The following MRPL48 variants were observed in gnomAD, a reference collection of about 807,000 sequenced individuals.
MRPL48 encodes large ribosomal subunit protein mL48.
Under a neutral mutation model 32.9 loss-of-function variants are expected in MRPL48, and 16 were observed. The observed-to-expected ratio is 0.49, with a 90% confidence interval of 0.33 to 0.74. The LOEUF is 0.74. Among genes scored for constraint, MRPL48 ranks in the 30% least tolerant of loss-of-function variants. The pLI is 0.02. For synonymous variants in MRPL48, 94 were observed against 89.2 expected, an observed-to-expected ratio of 1.05 and a Z score of -0.31; for missense variants, 206 against 245.3, an observed-to-expected ratio of 0.84 and a Z score of 1.07.
At chr11:73,810,528 GA>G (rs1947546535) in intron 3 of MRPL48, among the ~76,000 whole-genome samples, 2 of 148,644 alleles carry the variant, frequency 1.3e-5, no homozygotes, top group African/African-American at 2.5e-5. Context: ...ACTCAAAAAA[GA>G]AAAAAGAAAT....
chr11:73,838,001 G>A (rs1182780601), intron 4 of MRPL48, among the ~76,000 whole-genome samples: 4 of 152,016 alleles, frequency 2.6e-5, no homozygotes, highest in East Asian at 3.9e-4. Flanking sequence ...ACAGGCACCC[G>A]CCACCACGCC....
At chr11:73,795,440 C>G (rs1565399621) in intron 1 of MRPL48, among the ~76,000 whole-genome samples, 2 of 151,760 alleles carry the variant, frequency 1.3e-5, no homozygotes, top group Non-Finnish European at 2.9e-5. Flanking sequence ...CCAAGCAAGT[C>G]TGAGCAGTCA....
chr11:73,851,167 G>A, intron 5 of MRPL48: 1 of 437,934 alleles, frequency 2.3e-6, no homozygotes, highest in Admixed American at 2.6e-5. Flanking sequence ...CTGGAACTGG[G>A]CAAACTCCTC....
intron 3 of MRPL48, among the ~76,000 whole-genome samples, chr11:73,813,118 T>C (rs1397290707): frequency 6.6e-6 from 1 of 152,148 alleles, no homozygotes; most frequent in Non-Finnish European, 1.5e-5. Flanking sequence ...CTTGAATTTG[T>C]CATCTTTTCA....
intron 3 of MRPL48, among the ~76,000 whole-genome samples, chr11:73,821,125 A>G (rs1426294463): frequency 6.6e-6 from 1 of 152,056 alleles, no homozygotes; most frequent in Non-Finnish European, 1.5e-5. Context: ...CTGAGTAGCT[A>G]GGGCTATAGG....
At chr11:73,796,239 C>T (rs985296752) in intron 1 of MRPL48, among the ~76,000 whole-genome samples, 5 of 152,252 alleles carry the variant, frequency 3.3e-5, no homozygotes, top group African/African-American at 1.2e-4. Context: ...ACTGTGACTG[C>T]GGACCCAGGC....
rs1047889865 is a variant in MRPL48 at position 73,849,635 on chromosome 11, C to T, written c.371+4659C>T. 2.0e-4 allele frequency among the ~76,000 whole-genome samples: 31 copies of T among 152,210 alleles called. 2 individuals carry two copies. The highest frequency in any genetic ancestry group is 1.5e-5 in the Non-Finnish European group (1 of 68,040). On this transcript the variant is annotated intron_variant, in intron 5 of 7. Coordinates refer to ENST00000310614, the MANE Select transcript of MRPL48 (RefSeq NM_016055.6). ...AGCGTTTCATTGAAAGGATGTACCA[C>T]AGTTTATTCCTTTTCTGATTGAAGG...
At chr11:73,822,903 A>G (rs1185290130) in intron 3 of MRPL48, 1 of 402,130 alleles carries the variant, frequency 2.5e-6, no homozygotes, top group Non-Finnish European at 4.9e-6. Context: ...AGATTCTCAT[A>G]GGAGCATGAA....
intron 4 of MRPL48, among the ~76,000 whole-genome samples, chr11:73,832,905 C>A (rs115126037): frequency 6.6e-6 from 1 of 152,028 alleles, no homozygotes; most frequent in African/African-American, 2.4e-5. Context: ...CTCAGGTGAA[C>A]GGGACATGGT....
chr11:73,795,269 G>T (rs1947234690), intron 1 of MRPL48, among the ~76,000 whole-genome samples: 1 of 151,674 alleles, frequency 6.6e-6, no homozygotes, highest in Non-Finnish European at 1.5e-5. Flanking sequence ...CACCATGTTG[G>T]CTAGGCTGGT....
chr11:73,828,186 C>T (rs1947932185), intron 4 of MRPL48, among the ~76,000 whole-genome samples: 1 of 150,442 alleles, frequency 6.6e-6, no homozygotes, highest in South Asian at 2.1e-4. Context: ...GCTAGGAACT[C>T]TTGATGCCTT....
intron 4 of MRPL48, among the ~76,000 whole-genome samples, chr11:73,844,408 G>C (rs1353559601): frequency 1.3e-5 from 2 of 152,132 alleles, no homozygotes; most frequent in East Asian, 3.8e-4. Context: ...CTCCAGCCTG[G>C]GTGACAGGGT....
At chr11:73,852,210 T>C (rs1334194680) in intron 5 of MRPL48, among the ~76,000 whole-genome samples, 1 of 152,106 alleles carries the variant, frequency 6.6e-6, no homozygotes, top group Non-Finnish European at 1.5e-5. Context: ...GCACATTTCT[T>C]GTCTGTCATG....
At position 73,789,191 on chromosome 11, in the gene MRPL48, A is replaced by G. The variant is rs150650626; in HGVS notation, c.21+1199A>G. ...TAGAAAAAAAAATCAGAAAGTTTCA[A>G]AATTCCATTGTTAAAGATGGTCACA... On this transcript the variant is annotated intron_variant, in intron 1 of 7. Coordinates refer to ENST00000310614, the MANE Select transcript of MRPL48 (RefSeq NM_016055.6). 1.4e-3 allele frequency: 213 copies of G among 152,338 alleles called. 2 individuals are homozygous for G. The highest frequency in any genetic ancestry group is 5.0e-3 in the African/African-American group (209 of 41,580). 9.4% of individuals were successfully genotyped at this position (152,338 alleles called of 1,614,324 possible).
chr11:73,824,456 G>A (rs892216198), intron 3 of MRPL48, among the ~76,000 whole-genome samples: 3 of 151,974 alleles, frequency 2.0e-5, no homozygotes, highest in South Asian at 2.1e-4. Flanking sequence ...GTGGTGGCGC[G>A]TGCCTGTAAT....
intron 2 of MRPL48, among the ~76,000 whole-genome samples, chr11:73,806,134 A>G (rs1404952220): frequency 6.6e-6 from 1 of 151,936 alleles, no homozygotes; most frequent in Non-Finnish European, 1.5e-5. Flanking sequence ...GAGACCTAAC[A>G]TTATGAACAT....
chr11:73,798,994 CAA>C (rs113432463), intron 1 of MRPL48, among the ~76,000 whole-genome samples: 38 of 128,342 alleles, frequency 3.0e-4, no homozygotes, highest in Non-Finnish European at 3.7e-4. Context: ...CCCTCTCAAG[CAA>C]AAAAAAAAAA....
chr11:73,847,458 TG>T (rs1380269221), intron 5 of MRPL48, among the ~76,000 whole-genome samples: 1 of 151,222 alleles, frequency 6.6e-6, no homozygotes, highest in Non-Finnish European at 1.5e-5. Flanking sequence ...TTTTTTTTTT[TG>T]AGACGGAGTC....
intron 5 of MRPL48, among the ~76,000 whole-genome samples, chr11:73,855,692 T>C (rs1948472112): frequency 6.6e-6 from 1 of 152,176 alleles, no homozygotes; most frequent in African/African-American, 2.4e-5. Flanking sequence ...TTCGCCATCT[T>C]GGCCAGGTTG....
Sources: gnomAD v4.1 joint callset for allele counts (sites outside exome capture counted in the v4.1 genomes callset) on GRCh38, gnomAD v4.1.1 for gene constraint, MANE v1.5 for transcripts, NCBI Gene and HGNC (gene_info 2026-07-23, HGNC 2026-07-21) for gene names.